The following RUSC2 variants were observed in gnomAD, a reference collection of about 807,000 sequenced individuals.
RUSC2 encodes the protein RUN and SH3 domain containing 2, also known as AP-4 complex accessory subunit RUSC2.
A neutral mutation model predicts 122.2 loss-of-function variants in RUSC2; 34 were observed. That is an observed-to-expected ratio of 0.28 (90% CI 0.21 to 0.37). The LOEUF (loss-of-function observed/expected upper bound fraction) is 0.37. RUSC2 is among the 10% of genes least tolerant of loss of function. The pLI is 1.00. For synonymous variants in RUSC2, 784 were observed against 790.0 expected, an observed-to-expected ratio of 0.99 and a Z score of 0.13; for missense variants, 1,747 against 1,952.4, an observed-to-expected ratio of 0.89 and a Z score of 1.98.
Position 35,557,183 on chromosome 9 carries a change from G to A in RUSC2, c.2984-731G>A, listed in dbSNP as rs1822039653. Among the ~76,000 whole-genome samples, 2 of 152,280 alleles carry A rather than the reference G, an allele frequency of 1.3e-5. No homozygotes were observed. Among genetic ancestry groups the A allele is most frequent in the East Asian group, 3.9e-4 (2 of 5,182 alleles). ...CCACTGAACTAAGAACATTTTTAGG[G>A]AGATGGAGAGAACTGAGCATAATTG... On this transcript the variant is annotated intron_variant, in intron 5 of 11. Coordinates refer to ENST00000361226, the MANE Select transcript of RUSC2 (RefSeq NM_014806.5). This position sits in a 1 kb window ranked among gnomAD's most constrained non-coding sequence, Gnocchi z 4.6.
At chr9:35,533,207 A>G (rs992062456) in intron 1 of RUSC2, among the ~76,000 whole-genome samples, 2 of 151,210 alleles carry the variant, frequency 1.3e-5, no homozygotes, top group African/African-American at 4.9e-5. Context: ...AGATCGTGCC[A>G]CTGCACTCCA....
intron 1 of RUSC2, among the ~76,000 whole-genome samples, chr9:35,528,056 T>A (rs1821354598): frequency 6.6e-6 from 1 of 152,240 alleles, no homozygotes; most frequent in East Asian, 1.9e-4. Context: ...GTCACAGAGA[T>A]GTCTCCTATA....
intron 1 of RUSC2, among the ~76,000 whole-genome samples, chr9:35,516,300 C>G (rs1821106230): frequency 1.3e-5 from 2 of 152,036 alleles, no homozygotes. Flanking sequence ...ACCCCTACCC[C>G]CATGCCTCTC....
chr9:35,519,602 A>G (rs1363407758), intron 1 of RUSC2, among the ~76,000 whole-genome samples: 13 of 152,096 alleles, frequency 8.5e-5, no homozygotes, highest in Non-Finnish European at 1.6e-4. Context: ...AAAAAAAGGA[A>G]TGTGACCCTT....
chr9:35,561,022 G>A lies in RUSC2; in HGVS notation c.4274G>A (p.Gly1425Asp). The change falls in exon 11 of 12, where the codon GGT (glycine) becomes GAT (aspartate). Residue 1425 changes from glycine (G) to aspartate (D), a missense_variant. By Grantham distance (94) the Gly-to-Asp change is moderately conservative. Transcript: ENST00000361226. ...SMFQLVAQTVGSRREPEPKES... is the reference protein window; with the variant it reads ...SMFQLVAQTVDSRREPEPKES... ...TTCCAACTAGTGGCGCAGACAGTGG[G>A]TTCCCGCCGGGAGCCAGAGCCCAAG... 1 of 1,614,184 alleles carries A rather than the reference G, an allele frequency of 6.2e-7. No individual in the cohort carries two copies. The highest frequency in any genetic ancestry group is 8.5e-7 in the Non-Finnish European group (1 of 1,180,032).
intron 1 of RUSC2, among the ~76,000 whole-genome samples, chr9:35,496,440 T>G (rs1820715406): frequency 6.6e-6 from 1 of 152,172 alleles, no homozygotes; most frequent in Non-Finnish European, 1.5e-5. Context: ...ATGCTATGTC[T>G]CTTGCACCTG....
chr9:35,498,490 G>C (rs1194691216), intron 1 of RUSC2, among the ~76,000 whole-genome samples: 2 of 151,936 alleles, frequency 1.3e-5, no homozygotes, highest in East Asian at 3.9e-4. Flanking sequence ...AGTGAGCCAA[G>C]ATCATGCCAC....
rs1295006131 is a variant in RUSC2 at position 35,547,636 on chromosome 9, C to T, written c.1115C>T (p.Pro372Leu). 11 of 1,614,230 alleles carry T rather than the reference C, an allele frequency of 6.8e-6. No individual in the cohort carries two copies. Among genetic ancestry groups the T allele is most frequent in the South Asian group, 1.1e-5 (1 of 91,086 alleles). The change falls in exon 2 of 12, where the codon CCG (proline) becomes CTG (leucine). Residue 372 changes from proline (P) to leucine (L), a missense_variant. Coordinates refer to ENST00000361226, the MANE Select transcript of RUSC2 (RefSeq NM_014806.5). This position sits in a 1 kb window ranked among gnomAD's most constrained non-coding sequence, Gnocchi z 4.6. ...AACTCCTACCGCCCACACTGTGAGCCGTGCCCAGCAGTGGCTGACCTCACA... is the reference window on the plus strand; with the variant it reads ...AACTCCTACCGCCCACACTGTGAGCTGTGCCCAGCAGTGGCTGACCTCACA... The part of the protein sequence containing the change: ...NCNSYRPHCE[P>L]CPAVADLTAC...
At chr9:35,543,590 A>T (rs1032445939) in intron 1 of RUSC2, among the ~76,000 whole-genome samples, 1 of 152,202 alleles carries the variant, frequency 6.6e-6, no homozygotes, top group African/African-American at 2.4e-5. Flanking sequence ...TCTTCTATGC[A>T]TACAGACATG....
At chr9:35,490,340 C>G (rs1199525415) in intron 1 of RUSC2, among the ~76,000 whole-genome samples, 168 bp downstream of exon 1, 2 of 152,236 alleles carry the variant, frequency 1.3e-5, no homozygotes, top group East Asian at 3.9e-4. Context: ...CCGCCCCGAC[C>G]CCCTGGGCAG....
intron 1 of RUSC2, among the ~76,000 whole-genome samples, chr9:35,514,590 A>G (rs1821069122): frequency 6.6e-6 from 1 of 152,226 alleles, no homozygotes; most frequent in Non-Finnish European, 1.5e-5. Flanking sequence ...CTTTAGTAGC[A>G]GTAGGGATGG....
intron 1 of RUSC2, among the ~76,000 whole-genome samples, chr9:35,530,865 C>G (rs1821406085): frequency 6.6e-6 from 1 of 151,940 alleles, no homozygotes; most frequent in African/African-American, 2.4e-5. Context: ...TCTCGAAATC[C>G]TGACCTCAAG....
intron 1 of RUSC2, among the ~76,000 whole-genome samples, chr9:35,490,823 C>T (rs769474839): frequency 1.3e-5 from 2 of 152,176 alleles, no homozygotes; most frequent in Non-Finnish European, 2.9e-5. Context: ...TCCTGTTGCC[C>T]ACAGTTGGCT....
Position 35,558,296 on chromosome 9 carries a change from G to C in RUSC2, c.3160G>C (p.Ala1054Pro), listed in dbSNP as rs748422585. Residue 1054 changes from alanine to proline, a missense_variant, in exon 7 of 12, where the codon GCC becomes CCC. Transcript: ENST00000361226. The surrounding 1 kb of genome is among the most constrained non-coding windows in gnomAD (Gnocchi z 4.3). ...CGCCGTGCTGGAGGATGGGCTCAAG[G>C]CCTTTGTACTGGACGTCATCATCGG... ...VRAVLEDGLK[A>P]FVLDVIIGQR... The C allele has an allele frequency of 6.2e-7, 1 of 1,614,192 alleles. No individual in the cohort carries two copies. The highest frequency in any genetic ancestry group is 8.5e-7 in the Non-Finnish European group (1 of 1,180,034).
intron 1 of RUSC2, among the ~76,000 whole-genome samples, chr9:35,496,229 G>T (rs990044986): frequency 6.6e-6 from 1 of 152,122 alleles, no homozygotes; most frequent in Non-Finnish European, 1.5e-5. Context: ...AATCGAGCGG[G>T]TTCTCAGGAA....
intron 1 of RUSC2, among the ~76,000 whole-genome samples, chr9:35,500,419 G>A (rs1395647427): frequency 6.6e-6 from 1 of 152,146 alleles, no homozygotes; most frequent in Non-Finnish European, 1.5e-5. Context: ...CAACACATGG[G>A]AATTCAAGAT....
rs757430814 is a variant in RUSC2 at position 35,548,347 on chromosome 9, T to C, written c.1826T>C (p.Leu609Pro). The C allele has an allele frequency of 3.1e-6, 5 of 1,614,000 alleles. No homozygotes were observed. The East Asian group carries it at 1.1e-4, about 36-fold the overall frequency. Reference protein sequence around the residue: ...PMPLGPGMDLLGPDPSPPWST... With the variant: ...PMPLGPGMDLPGPDPSPPWST... ...CCTTTGGGGCCAGGCATGGACCTACTTGGCCCAGACCCAAGTCCACCCTGG... is the reference window on the plus strand; with the variant it reads ...CCTTTGGGGCCAGGCATGGACCTACCTGGCCCAGACCCAAGTCCACCCTGG... Residue 609 changes from leucine to proline, a missense_variant, in exon 2 of 12, where the codon CTT (leucine) becomes CCT (proline). Physicochemically the swap from Leu to Pro is moderately conservative, Grantham distance 98 (BLOSUM62 -3). Transcript: ENST00000361226. The surrounding 1 kb of genome is among the most constrained non-coding windows in gnomAD (Gnocchi z 4.5).
At chr9:35,549,126 C>A in intron 2 of RUSC2, 1 of 985,304 alleles carries the variant, frequency 1.0e-6, no homozygotes, top group Non-Finnish European at 1.2e-6. Flanking sequence ...AAGACTGATT[C>A]TGAACCTGGA....
chr9:35,534,881 T>G (rs979825509), intron 1 of RUSC2, among the ~76,000 whole-genome samples: 2 of 152,244 alleles, frequency 1.3e-5, no homozygotes, highest in Non-Finnish European at 2.9e-5. Flanking sequence ...ATATATGATC[T>G]GCAAATTTTC....
Sources: gnomAD v4.1 joint callset for allele counts (sites outside exome capture counted in the v4.1 genomes callset) on GRCh38, gnomAD v4.1.1 for gene constraint, Gnocchi (gnomAD v3.1) non-coding constraint, MANE v1.5 for transcripts, NCBI Gene and HGNC (gene_info 2026-07-23, HGNC 2026-07-21) for gene names.